Variants in CATSPERE observed in about 807,000 individuals in gnomAD.
CATSPERE encodes the protein catsper channel auxiliary subunit epsilon, also known as cation channel sperm-associated auxiliary subunit epsilon.
CATSPERE carries 93 observed loss-of-function variants against 114.1 expected under a neutral mutation model. The observed-to-expected ratio is 0.81, with a 90% CI of 0.69 to 0.97. The LOEUF (loss-of-function observed/expected upper bound fraction) is 0.97, where lower values mean the gene tolerates loss of function less well. CATSPERE is among the 50% of genes least tolerant of loss of function. CATSPERE has a pLI of 0.00. For synonymous variants in CATSPERE, 341 were observed against 384.1 expected (o/e 0.89, Z 1.31); for missense variants, 1,058 against 1,131.6 (o/e 0.93, Z 0.93).
intron 20 of CATSPERE, 79 bp from the exon 21 acceptor site, chr1:244,635,410 G>C (rs1460666835): frequency 9.8e-7 from 1 of 1,021,426 alleles, no homozygotes; most frequent in Non-Finnish European, 1.5e-6. Context: ...TGGTTTGATT[G>C]TTACCATAGG....
intron 20 of CATSPERE, among the ~76,000 whole-genome samples, chr1:244,622,583 T>C (rs1247564552): frequency 6.6e-6 from 1 of 152,112 alleles, no homozygotes; most frequent in Non-Finnish European, 1.5e-5. Context: ...TTTGTGTTTT[T>C]AGTAGAGACA....
chr1:244,501,240 C>G (rs775507781), intron 7 of CATSPERE, among the ~76,000 whole-genome samples: 1 of 152,142 alleles, frequency 6.6e-6, no homozygotes, highest in Admixed American at 6.5e-5. Context: ...CTTGAGCATC[C>G]ATATCAAAAC....
chr1:244,462,157 A>G (rs1666927037), intron 1 of CATSPERE, among the ~76,000 whole-genome samples: 1 of 152,028 alleles, frequency 6.6e-6, no homozygotes, highest in Non-Finnish European at 1.5e-5. Flanking sequence ...CATTCCTCTC[A>G]CCTTGTGCAG....
chr1:244,614,776 C>A (rs936781208), intron 19 of CATSPERE, among the ~76,000 whole-genome samples: 1 of 151,036 alleles, frequency 6.6e-6, no homozygotes, highest in South Asian at 2.1e-4. Flanking sequence ...GGGTAAGCAA[C>A]CTTCTCCTCC....
At chr1:244,618,978 G>T (rs1258085032) in intron 20 of CATSPERE, among the ~76,000 whole-genome samples, 1 of 152,148 alleles carries the variant, frequency 6.6e-6, no homozygotes, top group Non-Finnish European at 1.5e-5. Flanking sequence ...TGTTTTCTAG[G>T]CCAGGTGATT....
At chr1:244,556,727 C>A (rs1474383447) in intron 9 of CATSPERE, among the ~76,000 whole-genome samples, 1 of 152,156 alleles carries the variant, frequency 6.6e-6, no homozygotes, top group Non-Finnish European at 1.5e-5. Context: ...ATAACTAGTA[C>A]AATTTCAATT....
At position 244,602,078 on chromosome 1, in the gene CATSPERE, G is replaced by C. The variant is rs538616104; in HGVS notation, c.2304-3617G>C. On this transcript the variant is annotated intron_variant, in intron 17 of 21. Transcript: ENST00000366534. Reference sequence around the variant, plus strand: ...GGGGCAGATGAGAGGACAAGTGGGGGATGGGAGAGGGTGAGGTGGGAGAGT... The same window carrying C: ...GGGGCAGATGAGAGGACAAGTGGGGCATGGGAGAGGGTGAGGTGGGAGAGT... Among the ~76,000 whole-genome samples the C allele has an allele frequency of 8.3e-4, 126 of 152,176 alleles. 1 individual carries two copies. Among genetic ancestry groups the C allele is most frequent in the Middle Eastern group, 6.8e-3 (2 of 294 alleles).
At chr1:244,590,563 CTCTT>C (rs1667595404) in intron 14 of CATSPERE, among the ~76,000 whole-genome samples, 1 of 152,202 alleles carries the variant, frequency 6.6e-6, no homozygotes, top group South Asian at 2.1e-4. Context: ...CAAAAGGAAA[CTCTT>C]TACCCAGTTA....
rs540119711 is a variant in CATSPERE at position 244,549,711 on chromosome 1, T to G, written c.537-2611T>G. ...GTTATTGTCTTTATTTGGAGATACT[T>G]TGAGATGCTTATGGGTGCCAAGTTG... is the stretch of plus-strand genomic sequence containing the variant. On this transcript the variant is annotated intron_variant, in intron 8 of 21. Transcript: ENST00000366534. Among the ~76,000 whole-genome samples, 40 of 152,236 alleles carry G rather than the reference T, an allele frequency of 2.6e-4. 1 individual carries two copies. The highest frequency in any genetic ancestry group is 9.6e-4 in the African/African-American group (40 of 41,540).
intron 6 of CATSPERE, among the ~76,000 whole-genome samples, chr1:244,493,283 A>C (rs1396856133): frequency 6.6e-6 from 1 of 152,236 alleles, no homozygotes; most frequent in East Asian, 1.9e-4. Flanking sequence ...CAGAGCCCTC[A>C]GAAATACTGC....
At chr1:244,507,561 A>C (rs1399955550) in intron 7 of CATSPERE, among the ~76,000 whole-genome samples, 1 of 152,210 alleles carries the variant, frequency 6.6e-6, no homozygotes, top group Non-Finnish European at 1.5e-5. Context: ...ATGTTTGCCC[A>C]GACCAACGTC....
At chr1:244,563,858 T>G (rs1380012106) in intron 10 of CATSPERE, among the ~76,000 whole-genome samples, 1 of 152,222 alleles carries the variant, frequency 6.6e-6, no homozygotes, top group African/African-American at 2.4e-5. Context: ...TGGTATTGCC[T>G]AGGTTTTCTT....
chr1:244,518,776 G>C (rs1472233624), intron 8 of CATSPERE, 78 bp downstream of exon 8: 14 of 747,244 alleles, frequency 1.9e-5, no homozygotes, highest in Non-Finnish European at 3.0e-5. Context: ...GGAACTTAAT[G>C]AAATGTGTCT....
chr1:244,553,251 T>C (rs950820913), intron 9 of CATSPERE, among the ~76,000 whole-genome samples: 11 of 152,090 alleles, frequency 7.2e-5, no homozygotes, highest in African/African-American at 2.4e-4. Context: ...CTCTCCTAGT[T>C]ACTTTGAAAT....
rs1477960368 is a variant in CATSPERE at position 244,518,679 on chromosome 1, A to G, written c.517A>G (p.Asn173Asp). The G allele has an allele frequency of 1.3e-6, 2 of 1,520,050 alleles. No homozygotes were observed. The highest frequency in any genetic ancestry group is 1.8e-6 in the Non-Finnish European group (2 of 1,118,474). 94.2% of individuals were successfully genotyped at this position (1,520,050 alleles called of 1,614,324 possible). ...TVLKRKVYSS[N>D]EKMRRGTWRI... is the part of the protein sequence containing the mutation. ...TCTGAAGAGAAAAGTTTATTCTTCA[A>G]ATGAGAAAATGAGAAGGGGGTATTT... Residue 173 changes from asparagine (N) to aspartate (D), a missense_variant, in exon 8 of 22, where the codon AAT becomes GAT. By Grantham distance (23) the Asn-to-Asp change is conservative. Coordinates refer to ENST00000366534, the MANE Select transcript of CATSPERE (RefSeq NM_001130957.2).
chr1:244,608,192 C>T (rs938265544), intron 18 of CATSPERE, among the ~76,000 whole-genome samples: 9 of 151,930 alleles, frequency 5.9e-5, no homozygotes, highest in Admixed American at 1.3e-4. Flanking sequence ...TATTGCAGCA[C>T]GTAGAGACTA....
chr1:244,489,584 G>A (rs1021455442), intron 5 of CATSPERE, among the ~76,000 whole-genome samples: 5 of 148,306 alleles, frequency 3.4e-5, no homozygotes, highest in Non-Finnish European at 5.9e-5. Flanking sequence ...AATGGGGTTT[G>A]AAGAGGAAGG....
At chr1:244,603,616 T>G (rs578135031) in intron 17 of CATSPERE, among the ~76,000 whole-genome samples, 92 of 152,306 alleles carry the variant, frequency 6.0e-4, no homozygotes, top group Non-Finnish European at 1.1e-3. Flanking sequence ...TAGATGGCAC[T>G]GTAGCATATT....
At chr1:244,591,157 G>A (rs1254477735) in intron 14 of CATSPERE, among the ~76,000 whole-genome samples, 1 of 152,170 alleles carries the variant, frequency 6.6e-6, no homozygotes, top group Non-Finnish European at 1.5e-5. Flanking sequence ...AGATAAAATT[G>A]TATGTATTTA....
Sources: gnomAD v4.1 joint callset for allele counts (sites outside exome capture counted in the v4.1 genomes callset) on GRCh38, gnomAD v4.1.1 for gene constraint, MANE v1.5 for transcripts, NCBI Gene and HGNC (gene_info 2026-07-23, HGNC 2026-07-21) for gene names.